Variants in DNAI1 observed in about 807,000 individuals in gnomAD.
DNAI1 encodes the protein dynein, axonemal, intermediate polypeptide 1.
Under a neutral mutation model 92.0 loss-of-function variants are expected in DNAI1, and 67 were observed. The ratio of observed to expected loss-of-function variants is 0.73; its 90% CI spans 0.60 to 0.89. DNAI1 has a LOEUF of 0.89. Among genes scored for constraint, DNAI1 ranks in the 40% least tolerant of loss-of-function variants. DNAI1 has a pLI of 0.00. For synonymous variants in DNAI1, 323 were observed against 319.6 expected (o/e 1.01, Z -0.11); for missense variants, 839 against 866.6 (o/e 0.97, Z 0.40).
intron 16 of DNAI1, 51 bp from the exon 17 acceptor site, chr9:34,514,343 G>T: frequency 6.2e-7 from 1 of 1,605,756 alleles, no homozygotes; most frequent in Non-Finnish European, 8.5e-7. Flanking sequence ...CAGGGAAGTG[G>T]TGGCTGCTGA....
rs765551840 is a variant in DNAI1, at chr9:34,512,199, GTGCCTATT to G, written c.1401+3_1401+10del. 6.2e-7 allele frequency: 1 copy of G among 1,614,156 alleles called. No individual in the cohort carries two copies. The highest frequency in any genetic ancestry group is 1.7e-5 in the Admixed American group (1 of 60,026). On this transcript the variant is annotated splice_donor_variant and splice_donor_5th_base_variant and intron_variant, in intron 14 of 19. Transcript: ENST00000242317. LOFTEE classifies it high-confidence loss of function. ...GATTGTGTCTTGGACTCTCGTGAAGGTGCCTATTTCCCAGAGAGGGTCACACTGGGGTG... is the reference window on the plus strand; with the variant it reads ...GATTGTGTCTTGGACTCTCGTGAAGGTCCCAGAGAGGGTCACACTGGGGTG...
At chr9:34,506,220 G>C (rs1460666944) in intron 12 of DNAI1, among the ~76,000 whole-genome samples, 1 of 152,160 alleles carries the variant, frequency 6.6e-6, no homozygotes, top group Admixed American at 6.5e-5. Context: ...TAGCTGGGGG[G>C]AGGGGTACAT....
chr9:34,502,686 A>G (rs1026588272), intron 12 of DNAI1, among the ~76,000 whole-genome samples: 2 of 152,046 alleles, frequency 1.3e-5, no homozygotes, highest in African/African-American at 2.4e-5. Context: ...AAGCCCAGCA[A>G]TGTCCTTTGG....
chr9:34,503,545 T>C (rs1824871998), intron 12 of DNAI1, among the ~76,000 whole-genome samples: 1 of 152,230 alleles, frequency 6.6e-6, no homozygotes, highest in African/African-American at 2.4e-5. Context: ...TTTTATGGTA[T>C]TCCCAGATAT....
chr9:34,498,604 G>A (rs185119617), intron 10 of DNAI1, among the ~76,000 whole-genome samples: 3 of 152,366 alleles, frequency 2.0e-5, no homozygotes, highest in Admixed American at 6.5e-5. Context: ...ACAGTGTCAG[G>A]GAAACAGAAT....
rs756284061 is a variant in DNAI1, at chr9:34,490,499, C to T, written c.621+11C>T. ...AACAACCCTGTCCGGGTAGAGCAGC[C>T]CCCACCCTAGCCCCTTTGCAGCTCT... On this transcript the variant is annotated intron_variant, in intron 7 of 19. Coordinates refer to ENST00000242317, the MANE Select transcript of DNAI1 (RefSeq NM_012144.4). The T allele has an allele frequency of 1.2e-6, 2 of 1,613,842 alleles. No homozygotes were observed. Among genetic ancestry groups the T allele is most frequent in the South Asian group, 1.1e-5 (1 of 91,072 alleles).
intron 13 of DNAI1, among the ~76,000 whole-genome samples, chr9:34,511,105 C>T (rs549838483): frequency 1.3e-3 from 203 of 152,262 alleles, no homozygotes; most frequent in Middle Eastern, 3.4e-3. Context: ...CTGCTAGTGA[C>T]GGGGAGGGGA....
intron 6 of DNAI1, 90 bp from the exon 7 acceptor site, chr9:34,490,279 G>T: frequency 6.2e-7 from 1 of 1,611,412 alleles, no homozygotes; most frequent in Non-Finnish European, 8.5e-7. Flanking sequence ...TCCTACCTCT[G>T]TCCTATCCTA....
In DNAI1 at chr9:34,520,821, C is replaced by G. The variant is rs1825268641; in HGVS notation, c.*65C>G. 6.7e-7 allele frequency: 1 copy of G among 1,487,888 alleles called. No individual in the cohort carries two copies. The allele number at this position is 1,487,888 out of a possible 1,614,324, so 92.2% of individuals were successfully genotyped here. A position where few individuals can be genotyped will look rare whatever the true frequency, so the allele number is the denominator to read the frequency against. On this transcript the variant is annotated 3_prime_UTR_variant, in exon 20 of 20. Transcript: ENST00000242317. ...TACTCCTAGGGCTTGACCCTGGTAC[C>G]CAGCCCAGCCTTAGCACCCAGCATG... is the stretch of plus-strand genomic sequence containing the variant.
At chr9:34,509,036 G>C (rs1445730194) in intron 13 of DNAI1, among the ~76,000 whole-genome samples, 2 of 152,012 alleles carry the variant, frequency 1.3e-5, no homozygotes, top group Non-Finnish European at 2.9e-5. Flanking sequence ...ACTCCTCCCT[G>C]TGTGCTCCTC....
chr9:34,500,827 C>G lies in DNAI1; in HGVS notation c.1007C>G (p.Thr336Ser), dbSNP rs1305323575. Residue 336 changes from threonine (T) to serine (S), a missense_variant, in exon 11 of 20, where the codon ACT (threonine) becomes AGT (serine). Thr to Ser is a moderately conservative substitution (Grantham distance 58). Transcript: ENST00000242317. The stretch of plus-strand genomic sequence containing the variant: ...GACAAAGCCAAGCGCCTGTCCGTCA[C>G]TGCCCTCTGCTGGTAAGTATAGGCA... Reference protein sequence around the residue: ...QNDKAKRLSVTALCWNPKYRD... With the variant: ...QNDKAKRLSVSALCWNPKYRD... 1.2e-6 allele frequency: 2 copies of G among 1,613,722 alleles called. No individual in the cohort carries two copies. Among genetic ancestry groups the G allele is most frequent in the East Asian group, 4.5e-5 (2 of 44,900 alleles).
rs74911178 is a variant in DNAI1 at position 34,476,254 on chromosome 9, C to G, written c.49-7194C>G. The stretch of plus-strand genomic sequence containing the variant: ...CTCTGCCTCTCTCCCCTCCCCTAAC[C>G]CCGCTGCAGATAGTACTAGGTTGAT... On this transcript the variant is annotated intron_variant, in intron 1 of 19. Coordinates refer to ENST00000242317, the MANE Select transcript of DNAI1 (RefSeq NM_012144.4). 3.3e-3 allele frequency among the ~76,000 whole-genome samples: 504 copies of G among 152,270 alleles called. 2 individuals carry two copies. The highest frequency in any genetic ancestry group is 0.011 in the African/African-American group (474 of 41,552).
At position 34,489,464 on chromosome 9, in the gene DNAI1, C is replaced by T; in HGVS notation, c.388+15C>T. ...ATTAGTGGCAGGTAGGACTCTGGGCCATCCTGAAGCTACAGCCCTGAGCCT... is the reference window on the plus strand; with the variant it reads ...ATTAGTGGCAGGTAGGACTCTGGGCTATCCTGAAGCTACAGCCCTGAGCCT... On this transcript the variant is annotated intron_variant, in intron 5 of 19. Coordinates refer to ENST00000242317, the MANE Select transcript of DNAI1 (RefSeq NM_012144.4). 6.2e-7 allele frequency: 1 copy of T among 1,612,642 alleles called. No homozygotes were observed. The highest frequency in any genetic ancestry group is 2.2e-5 in the East Asian group (1 of 44,870).
Position 34,514,682 on chromosome 9 carries a change from T to C in DNAI1, c.1761T>C (p.Asp587=), listed in dbSNP as rs1448928707. 6.2e-7 allele frequency: 1 copy of C among 1,614,132 alleles called. No homozygotes were observed. Residue 587 remains aspartate, a synonymous_variant, in exon 18 of 20, where the codon GAT becomes GAC. Transcript: ENST00000242317. ...FIYDLNSAVG[D]VAWAPYSSTV... is the part of the protein sequence containing the mutation. ...ATGACCTGAACTCAGCCGTGGGTGATGTGGCCTGGGCGCCATACTCTTCTA... is the reference window on the plus strand; with the variant it reads ...ATGACCTGAACTCAGCCGTGGGTGACGTGGCCTGGGCGCCATACTCTTCTA...
At chr9:34,483,220 G>A (rs934700547) in intron 1 of DNAI1, among the ~76,000 whole-genome samples, 2 of 152,228 alleles carry the variant, frequency 1.3e-5, no homozygotes, top group African/African-American at 2.4e-5. Flanking sequence ...CCAGAAAGGG[G>A]CTCCCACAGT....
intron 10 of DNAI1, among the ~76,000 whole-genome samples, chr9:34,498,643 C>G (rs1191354495): frequency 6.6e-6 from 1 of 152,204 alleles, no homozygotes; most frequent in Non-Finnish European, 1.5e-5. Context: ...AGCACATTCC[C>G]AAGTGGCTTG....
intron 1 of DNAI1, among the ~76,000 whole-genome samples, chr9:34,463,027 G>A (rs1283032994): frequency 6.6e-6 from 1 of 152,124 alleles, no homozygotes; most frequent in Non-Finnish European, 1.5e-5. Flanking sequence ...CTAAATCAGA[G>A]AAGTAGACTA....
At chr9:34,488,111 C>G (rs1824508354) in intron 4 of DNAI1, 2 of 390,196 alleles carry the variant, frequency 5.1e-6, no homozygotes, top group Non-Finnish European at 1.0e-5. Flanking sequence ...TAATATTGAG[C>G]ATTTATTATG....
chr9:34,497,611 T>G (rs1260289801), intron 10 of DNAI1, among the ~76,000 whole-genome samples: 1 of 152,212 alleles, frequency 6.6e-6, no homozygotes, highest in Admixed American at 6.5e-5. Flanking sequence ...TGTCCTCTAC[T>G]CAGAGCACCT....
Sources: allele counts gnomAD v4.1 joint callset (sites outside exome capture counted in the v4.1 genomes callset), GRCh38; gene constraint gnomAD v4.1.1; transcripts MANE v1.5; gene names NCBI Gene and HGNC (gene_info 2026-07-23, HGNC 2026-07-21).